Variants in NXPH1 observed in about 807,000 individuals in gnomAD.
NXPH1 encodes the protein neurexophilin-1.
A neutral mutation model predicts 23.7 loss-of-function variants in NXPH1; 5 were observed. The ratio of observed to expected loss-of-function variants is 0.21; its 90% CI spans 0.11 to 0.44. NXPH1 has a LOEUF of 0.44. Ranked by LOEUF, NXPH1 falls within the 20% of genes least tolerant of loss-of-function variation. The pLI is 0.99. For synonymous variants in NXPH1, 144 were observed against 122.2 expected (o/e 1.18, Z -1.18); for missense variants, 324 against 321.6 (o/e 1.01, Z -0.06).
intron 2 of NXPH1, among the ~76,000 whole-genome samples, chr7:8,642,734 T>C (rs372914614): frequency 1.3e-5 from 2 of 152,312 alleles, no homozygotes; most frequent in Admixed American, 6.5e-5. Flanking sequence ...TATCTAATTG[T>C]CCAAGACATC....
intron 2 of NXPH1, among the ~76,000 whole-genome samples, chr7:8,461,842 A>AAAAAAAAAAAAAAAAAG (rs1816701873): frequency 6.7e-6 from 1 of 149,570 alleles, no homozygotes; most frequent in South Asian, 2.1e-4. Context: ...GTCTCAAAAA[A>AAAAAAAAAAAAAAAAAG]AAAAAAAAAG....
chr7:8,463,318 A>G (rs563564994), intron 2 of NXPH1, among the ~76,000 whole-genome samples: 2 of 151,260 alleles, frequency 1.3e-5, no homozygotes, highest in East Asian at 1.9e-4. Context: ...ATGGCCACAT[A>G]GTATTTTTTT....
chr7:8,742,365 C>G (rs572791973), intron 2 of NXPH1, among the ~76,000 whole-genome samples: 2 of 151,910 alleles, frequency 1.3e-5, no homozygotes, highest in Non-Finnish European at 2.9e-5. Context: ...AACTATGTAA[C>G]CTGGCTATAA....
chr7:8,676,772 G>T (rs990300693), intron 2 of NXPH1, among the ~76,000 whole-genome samples: 4 of 152,156 alleles, frequency 2.6e-5, no homozygotes, highest in African/African-American at 4.8e-5. Context: ...AGGGCTTAAA[G>T]GCCAGAGAGA....
intron 2 of NXPH1, among the ~76,000 whole-genome samples, chr7:8,662,837 T>A (rs1820698957): frequency 6.6e-6 from 1 of 152,106 alleles, no homozygotes; most frequent in African/African-American, 2.4e-5. Flanking sequence ...GTTTCTTAAA[T>A]ATATTTTAAA....
At chr7:8,474,585 C>T (rs575483164) in intron 2 of NXPH1, among the ~76,000 whole-genome samples, 1 of 152,236 alleles carries the variant, frequency 6.6e-6, no homozygotes, top group East Asian at 1.9e-4. Context: ...CAGGTTGATG[C>T]TCTGCAAACT....
chr7:8,487,895 G>A (rs17149666), intron 2 of NXPH1, among the ~76,000 whole-genome samples: 6,555 of 152,094 alleles, frequency 0.043, 474 homozygotes, highest in African/African-American at 0.15. Context: ...TTAAACTTCC[G>A]AAACTTAATT....
intron 2 of NXPH1, among the ~76,000 whole-genome samples, chr7:8,530,415 G>A (rs1269805561): frequency 6.6e-6 from 1 of 152,194 alleles, no homozygotes; most frequent in East Asian, 1.9e-4. Flanking sequence ...TCCTTTGTGA[G>A]TCCCATTTGT....
At chr7:8,592,558 T>C (rs1045842861) in intron 2 of NXPH1, among the ~76,000 whole-genome samples, 1 of 151,988 alleles carries the variant, frequency 6.6e-6, no homozygotes, top group African/African-American at 2.4e-5. Context: ...ATATGTTAAG[T>C]AGTATGTTAA....
At chr7:8,584,708 G>T (rs1423907525) in intron 2 of NXPH1, among the ~76,000 whole-genome samples, 2 of 152,176 alleles carry the variant, frequency 1.3e-5, no homozygotes, top group African/African-American at 4.8e-5. Context: ...GAATCTGGGG[G>T]ATCGGAATGG....
chr7:8,460,795 T>C (rs1216069594), intron 2 of NXPH1, among the ~76,000 whole-genome samples: 1 of 152,192 alleles, frequency 6.6e-6, no homozygotes, highest in Non-Finnish European at 1.5e-5. Flanking sequence ...TGACCACCTA[T>C]CTTTGGAAAA....
intron 2 of NXPH1, among the ~76,000 whole-genome samples, chr7:8,726,359 A>T (rs1780053116): frequency 6.6e-6 from 1 of 150,728 alleles, no homozygotes; most frequent in Admixed American, 6.6e-5. Context: ...TTATACTTTA[A>T]GTTTTAGGGT....
chr7:8,461,843 A>AAAAAAAAAAAAAAAAAAAAAAG (rs758426131), intron 2 of NXPH1, among the ~76,000 whole-genome samples: 6 of 121,468 alleles, frequency 4.9e-5, no homozygotes, highest in East Asian at 3.0e-4. Flanking sequence ...TCTCAAAAAA[A>AAAAAAAAAAAAAAAAAAAAAAG]AAAAAAAAGA....
chr7:8,462,778 C>T (rs1356725191), intron 2 of NXPH1, among the ~76,000 whole-genome samples: 1 of 152,134 alleles, frequency 6.6e-6, no homozygotes, highest in Non-Finnish European at 1.5e-5. Context: ...AGATGAATAC[C>T]TTTGCATATT....
At chr7:8,593,171 A>ATTTTTT (rs61424859) in intron 2 of NXPH1, among the ~76,000 whole-genome samples, 3 of 141,626 alleles carry the variant, frequency 2.1e-5, no homozygotes, top group Non-Finnish European at 4.6e-5. Context: ...AGTAAGAAGC[A>ATTTTTT]TTTTTTTTTT....
chr7:8,607,813 T>G (rs1819526851), intron 2 of NXPH1, among the ~76,000 whole-genome samples: 1 of 152,212 alleles, frequency 6.6e-6, no homozygotes, highest in African/African-American at 2.4e-5. Flanking sequence ...ATGACCCAAT[T>G]TGGAAATAGA....
Position 8,532,345 on chromosome 7 carries a change from A to G in NXPH1, c.54+96578A>G, listed in dbSNP as rs115919698. Among the ~76,000 whole-genome samples, 374 of 152,134 alleles carry G rather than the reference A, an allele frequency of 2.5e-3. 2 individuals are homozygous for G. Among genetic ancestry groups the G allele is most frequent in the African/African-American group, 8.8e-3 (364 of 41,522 alleles). On this transcript the variant is annotated intron_variant, in intron 2 of 2. Transcript: ENST00000405863. ...AGATAAAAATCAATCCCGCTCAAACAGACACCTTCAGGCAGGAAAGAAGGA... is the reference window on the plus strand; with the variant it reads ...AGATAAAAATCAATCCCGCTCAAACGGACACCTTCAGGCAGGAAAGAAGGA...
In NXPH1 at chr7:8,483,572, C is replaced by T. The variant is rs149977115; in HGVS notation, c.54+47805C>T. Among the ~76,000 whole-genome samples the T allele has an allele frequency of 3.7e-3, 562 of 152,166 alleles. 4 individuals carry two copies. The highest frequency in any genetic ancestry group is 0.013 in the African/African-American group (538 of 41,516). On this transcript the variant is annotated intron_variant, in intron 2 of 2. Coordinates refer to ENST00000405863, the MANE Select transcript of NXPH1 (RefSeq NM_152745.3). Reference sequence around the variant, plus strand: ...GATCTACCCAGCTCAGCCTCCCAAACGGCTGGGATTACAGGCGTGCACCAC... The same window carrying T: ...GATCTACCCAGCTCAGCCTCCCAAATGGCTGGGATTACAGGCGTGCACCAC...
intron 2 of NXPH1, among the ~76,000 whole-genome samples, chr7:8,692,979 C>A (rs1173643814): frequency 1.3e-5 from 2 of 152,064 alleles, no homozygotes; most frequent in East Asian, 3.9e-4. Context: ...TGAAGTCTTC[C>A]TACAAGCCCA....
Sources: allele counts gnomAD v4.1 joint callset (sites outside exome capture counted in the v4.1 genomes callset), GRCh38; gene constraint gnomAD v4.1.1; transcripts MANE v1.5; gene names NCBI Gene and HGNC (gene_info 2026-07-23, HGNC 2026-07-21).